Variants in MCM9 observed in about 807,000 individuals in gnomAD.
MCM9 encodes the protein DNA helicase MCM9.
In MCM9, 55 loss-of-function variants were observed where a neutral mutation model predicts 72.8. That is an observed-to-expected ratio of 0.76 (90% CI 0.61 to 0.95). MCM9 has a LOEUF of 0.95. MCM9 is among the 40% of genes least tolerant of loss of function. MCM9 has a pLI of 0.00. For synonymous variants in MCM9, 480 were observed against 503.4 expected (o/e 0.95, Z 0.62); for missense variants, 1,279 against 1,377.0 (o/e 0.93, Z 1.13).
chr6:118,823,196 G>T lies in MCM9; in HGVS notation c.1961+2951C>A, dbSNP rs1689143117. ...AGCTAGCTCAGTGTCTGCCCAAATTGCCACCCAGTTTTGTGCTTGAAACCC... is the reference window on the plus strand; with the variant it reads ...AGCTAGCTCAGTGTCTGCCCAAATTTCCACCCAGTTTTGTGCTTGAAACCC... On this transcript the variant is annotated intron_variant, in intron 13 of 13. Transcript: ENST00000619706. Among the ~76,000 whole-genome samples the T allele has an allele frequency of 6.6e-5, 10 of 152,098 alleles. No individual in the cohort carries two copies. The South Asian group carries it at 2.1e-3, about 32-fold the overall frequency.
rs1461235992 is a variant in MCM9, at chr6:118,935,007, G to A, written c.-266C>T. ...AGAAGGCTGGTGAGGCGGAGTGCGC[G>A]CGTGCACGTGGCCGCTCGAGGCGCC... On this transcript the variant is annotated 5_prime_UTR_variant, in exon 1 of 14. Coordinates refer to ENST00000619706, the MANE Select transcript of MCM9 (RefSeq NM_017696.3). 1 of 152,118 alleles carries A rather than the reference G, an allele frequency of 6.6e-6. No homozygotes were observed. Among genetic ancestry groups the A allele is most frequent in the Non-Finnish European group, 1.5e-5 (1 of 68,042 alleles). The allele number at this position is 152,118 out of a possible 1,614,324, so 9.4% of individuals were successfully genotyped here.
At position 118,830,023 on chromosome 6, in the gene MCM9, AG is replaced by A. The variant is rs146002735; in HGVS notation, c.1326-774del. Reference sequence around the variant, plus strand: ...AAGGACTGTGGACAGGATGCAGGGTAGGGGCTCTAGTACAATGGTCCAGTAG... The same window carrying A: ...AAGGACTGTGGACAGGATGCAGGGTAGGGCTCTAGTACAATGGTCCAGTAG... On this transcript the variant is annotated intron_variant, in intron 9 of 13. Transcript: ENST00000619706. 1.8e-3 allele frequency among the ~76,000 whole-genome samples: 277 copies of A among 152,248 alleles called. 1 individual carries two copies. Among genetic ancestry groups the A allele is most frequent in the South Asian group, 0.01 (50 of 4,818 alleles).
Position 118,910,160 on chromosome 6 carries a change from T to C in MCM9, c.1150+1490A>G, listed in dbSNP as rs372810315. On this transcript the variant is annotated intron_variant, in intron 8 of 13. Coordinates refer to ENST00000619706, the MANE Select transcript of MCM9 (RefSeq NM_017696.3). Reference sequence around the variant, plus strand: ...AGACTCCATAACAAGTTTATATTTATGTTAAAAAATTTCATGAAAACACAT... The same window carrying C: ...AGACTCCATAACAAGTTTATATTTACGTTAAAAAATTTCATGAAAACACAT... 1.3e-4 allele frequency among the ~76,000 whole-genome samples: 19 copies of C among 151,506 alleles called. No individual in the cohort carries two copies. In the East Asian group the frequency reaches 2.9e-3, roughly 23 times the overall value.
At chr6:118,848,515 TAC>T (rs1324857574) in intron 9 of MCM9, among the ~76,000 whole-genome samples, 1 of 151,912 alleles carries the variant, frequency 6.6e-6, no homozygotes. Context: ...GACATATTGA[TAC>T]AGTTATACCG....
At chr6:118,831,099 A>G (rs528895243) in intron 9 of MCM9, among the ~76,000 whole-genome samples, 2 of 152,318 alleles carry the variant, frequency 1.3e-5, no homozygotes, top group East Asian at 3.9e-4. Flanking sequence ...TTTCCATTAG[A>G]AAAGCTTAAG....
chr6:118,870,740 G>A (rs1286283790), intron 8 of MCM9, among the ~76,000 whole-genome samples: 1 of 151,836 alleles, frequency 6.6e-6, no homozygotes, highest in Admixed American at 6.6e-5. Context: ...CGAGGAAAAA[G>A]AGAGAAGACT....
intron 8 of MCM9, among the ~76,000 whole-genome samples, chr6:118,887,407 G>C (rs1204068361): frequency 6.6e-6 from 1 of 152,114 alleles, no homozygotes; most frequent in African/African-American, 2.4e-5. Flanking sequence ...AGATGCTGCT[G>C]GGAAACTGGA....
intron 8 of MCM9, among the ~76,000 whole-genome samples, chr6:118,862,812 C>A (rs1348577705): frequency 1.3e-5 from 2 of 152,168 alleles, no homozygotes; most frequent in African/African-American, 4.8e-5. Flanking sequence ...TCCTCAGAAA[C>A]CATGCAAGCA....
rs555563850 is a variant in MCM9, at chr6:118,868,215, G to T, written c.1151-11670C>A. 5.3e-5 allele frequency among the ~76,000 whole-genome samples: 8 copies of T among 152,058 alleles called. No individual in the cohort carries two copies. In the South Asian group the frequency reaches 1.5e-3, roughly 28 times the overall value. On this transcript the variant is annotated intron_variant, in intron 8 of 13. Coordinates refer to ENST00000619706, the MANE Select transcript of MCM9 (RefSeq NM_017696.3). ...TAATAAAAAGGTTAAACTGTTAAAA[G>T]AACTAAAGCTACAATAATTTTTAAG...
At chr6:118,849,353 T>A (rs1193816711) in intron 9 of MCM9, among the ~76,000 whole-genome samples, 1 of 151,734 alleles carries the variant, frequency 6.6e-6, no homozygotes, top group South Asian at 2.1e-4. Flanking sequence ...ACACCACTCT[T>A]GGTCTAAAAT....
intron 8 of MCM9, among the ~76,000 whole-genome samples, chr6:118,897,562 C>T (rs893703150): frequency 6.6e-6 from 1 of 152,126 alleles, no homozygotes; most frequent in Non-Finnish European, 1.5e-5. Context: ...AGCCTACATA[C>T]TTTCCACTAG....
At chr6:118,911,044 T>C (rs1157525863) in intron 8 of MCM9, 1 of 983,706 alleles carries the variant, frequency 1.0e-6, no homozygotes, top group Non-Finnish European at 1.2e-6. Flanking sequence ...TCAAACATAT[T>C]TTTTAAAATA....
intron 9 of MCM9, among the ~76,000 whole-genome samples, chr6:118,832,932 TC>T (rs1774676713): frequency 6.6e-6 from 1 of 152,230 alleles, no homozygotes; most frequent in South Asian, 2.1e-4. Context: ...AGATTGTATT[TC>T]CTATTCCCAT....
intron 8 of MCM9, among the ~76,000 whole-genome samples, chr6:118,877,563 G>A (rs889089979): frequency 6.6e-6 from 1 of 152,210 alleles, no homozygotes; most frequent in African/African-American, 2.4e-5. Flanking sequence ...GCAAGGTTGT[G>A]AGGCAAAGTC....
chr6:118,902,595 C>T (rs1779880016), intron 8 of MCM9, among the ~76,000 whole-genome samples: 1 of 150,928 alleles, frequency 6.6e-6, no homozygotes, highest in Non-Finnish European at 1.5e-5. Flanking sequence ...GAAACAAACC[C>T]TTGAAAATCT....
intron 13 of MCM9, among the ~76,000 whole-genome samples, chr6:118,818,769 G>A (rs1773584312): frequency 2.0e-5 from 3 of 152,182 alleles, no homozygotes; most frequent in Non-Finnish European, 4.4e-5. Flanking sequence ...AGCATGGAAT[G>A]TTTTTCCATT....
At chr6:118,835,044 T>A (rs148499061) in intron 9 of MCM9, among the ~76,000 whole-genome samples, 1,572 of 152,298 alleles carry the variant, frequency 0.01, 29 homozygotes, top group African/African-American at 0.036. Context: ...AAGGAAGGGG[T>A]CCAGTATCAG....
intron 3 of MCM9, among the ~76,000 whole-genome samples, 177 bp from the exon 4 acceptor site, chr6:118,924,304 T>G (rs1781692299): frequency 6.6e-6 from 1 of 152,196 alleles, no homozygotes; most frequent in South Asian, 2.1e-4. Context: ...AAAGAATTAT[T>G]GCAAATAACA....
chr6:118,914,118 C>A (rs2114274359), intron 6 of MCM9, among the ~76,000 whole-genome samples: 1 of 152,282 alleles, frequency 6.6e-6, no homozygotes, highest in East Asian at 1.9e-4. Context: ...TCTGAGCAGT[C>A]TGGTAAATTC....
Sources: gnomAD v4.1 joint callset for allele counts (sites outside exome capture counted in the v4.1 genomes callset) on GRCh38, gnomAD v4.1.1 for gene constraint, MANE v1.5 for transcripts, NCBI Gene and HGNC (gene_info 2026-07-23, HGNC 2026-07-21) for gene names.